The following DQX1 variants were observed in gnomAD, a reference collection of about 807,000 sequenced individuals.
DQX1 encodes the protein ATP-dependent RNA helicase homolog DQX1.
A neutral mutation model predicts 81.3 loss-of-function variants in DQX1; 66 were observed. The observed-to-expected ratio is 0.81, with a 90% confidence interval of 0.67 to 1.00. DQX1 has a LOEUF of 1.00. DQX1 is among the 50% of genes least tolerant of loss of function. The probability of loss-of-function intolerance (pLI) is 0.00; values close to 1 mark genes in which losing one functional copy is unlikely to be tolerated. For missense variants in DQX1, 798 were observed against 867.9 expected (o/e 0.92, Z 1.01); for synonymous variants, 290 against 350.0 (o/e 0.83, Z 1.91).
Position 74,523,199 on chromosome 2 carries a change from C to T in DQX1, c.1064G>A (p.Arg355Gln), listed in dbSNP as rs200302410. ...TGGCCTCAACACTTGGAATTCTGCT[C>T]GGATCCTAGGATTGTAAACCTGTTG... ...ELRSVYNPRI[R>Q]AEFQVLRPIS... Residue 355 changes from arginine to glutamine, a missense_variant, in exon 6 of 12, where the codon CGA becomes CAA. Transcript: ENST00000404568. The T allele has an allele frequency of 1.1e-5, 17 of 1,614,162 alleles. No individual in the cohort carries two copies. Among genetic ancestry groups the T allele is most frequent in the Middle Eastern group, 1.6e-4 (1 of 6,062 alleles).
Position 74,523,160 on chromosome 2 carries a change from T to C in DQX1, c.1103A>G (p.Gln368Arg). ...FQVLRPISKC[Q>R]AEARRLRARG... is the part of the protein sequence containing the mutation. ...TGCTCGCAATCGTCTTGCCTCTGCC[T>C]GACACTTGCTGATTGGCCTCAACAC... Residue 368 changes from glutamine to arginine, a missense_variant, in exon 6 of 12, where the codon CAG (glutamine) becomes CGG (arginine). Gln to Arg is a conservative substitution (Grantham distance 43). Coordinates refer to ENST00000404568, the MANE Select transcript of DQX1 (RefSeq NM_133637.3). The C allele has an allele frequency of 2.5e-6, 4 of 1,614,182 alleles. No individual in the cohort carries two copies. The South Asian group carries it at 4.4e-5, about 18-fold the overall frequency.
At chr2:74,523,609 CTG>C (rs1349803735) in intron 4 of DQX1, 72 bp from the exon 5 acceptor site, 20 of 1,426,594 alleles carry the variant, frequency 1.4e-5, no homozygotes, top group Non-Finnish European at 1.5e-5. Context: ...CTTTGAAAGA[CTG>C]TTGAAAGTTA....
Position 74,518,455 on chromosome 2 carries a change from GACACAGGGAT to G in DQX1, c.2135_2144del (p.Asp712AlafsTer52). On this transcript the variant is annotated frameshift_variant, in exon 12 of 12. Transcript: ENST00000404568. LOFTEE classifies it high-confidence loss of function. ...TCCATAGGCAGGCAGGTCACTGCAG[GACACAGGGAT>G]CTCTGAACTCCTGGGCTGAGGATGA... 1 of 1,614,188 alleles carries G rather than the reference GACACAGGGAT, an allele frequency of 6.2e-7. No individual in the cohort carries two copies. The highest frequency in any genetic ancestry group is 8.5e-7 in the Non-Finnish European group (1 of 1,180,036).
At chr2:74,519,875 T>C (rs1372382290) in intron 9 of DQX1, 40 bp downstream of exon 9, 1 of 1,602,768 alleles carries the variant, frequency 6.2e-7, no homozygotes, top group South Asian at 1.1e-5. Context: ...TTTCCCCTCT[T>C]TGGAAAATCT....
At chr2:74,524,949 G>T in intron 3 of DQX1, 60 bp downstream of exon 3, 1 of 1,541,494 alleles carries the variant, frequency 6.5e-7, no homozygotes, top group Non-Finnish European at 8.8e-7. Flanking sequence ...CCAGAGGAAT[G>T]GGTTTGTTTC....
In DQX1 at chr2:74,518,236, G is replaced by C; in HGVS notation, c.*210C>G. 1.9e-6 allele frequency: 1 copy of C among 526,880 alleles called. No individual in the cohort carries two copies. The highest frequency in any genetic ancestry group is 3.3e-6 in the Non-Finnish European group (1 of 306,424). The allele number at this position is 526,880 out of a possible 1,614,324, so 32.6% of individuals were successfully genotyped here. Reference sequence around the variant, plus strand: ...GTCAGTCCCTCTCCAATCAATAAGAGAAGGCTAAGGAAAGAGTCCTTCCCT... The same window carrying C: ...GTCAGTCCCTCTCCAATCAATAAGACAAGGCTAAGGAAAGAGTCCTTCCCT... On this transcript the variant is annotated 3_prime_UTR_variant, in exon 12 of 12. Coordinates refer to ENST00000404568, the MANE Select transcript of DQX1 (RefSeq NM_133637.3).
chr2:74,522,564 C>T lies in DQX1; in HGVS notation c.1495+16G>A. On this transcript the variant is annotated intron_variant, in intron 8 of 11. Transcript: ENST00000404568. Reference sequence around the variant, plus strand: ...AGTGGTTTCAAGAGCTATGGATTTACAGCAGCGATTTATACCTGTGAGCAT... The same window carrying T: ...AGTGGTTTCAAGAGCTATGGATTTATAGCAGCGATTTATACCTGTGAGCAT... 6.2e-7 allele frequency: 1 copy of T among 1,605,414 alleles called. No homozygotes were observed. Among genetic ancestry groups the T allele is most frequent in the Non-Finnish European group, 8.5e-7 (1 of 1,174,872 alleles).
chr2:74,525,179 A>C lies in DQX1; in HGVS notation c.261T>G (p.Phe87Leu), dbSNP rs1192990802. 2 of 1,596,076 alleles carry C rather than the reference A, an allele frequency of 1.3e-6. No individual in the cohort carries two copies. Among genetic ancestry groups the C allele is most frequent in the African/African-American group, 1.3e-5 (1 of 74,574 alleles). The change falls in exon 3 of 12, where the codon TTT (phenylalanine) becomes TTG (leucine). Residue 87 changes from phenylalanine (F) to leucine (L), a missense_variant. Transcript: ENST00000404568. The surrounding 1 kb of genome is among the most constrained non-coding windows in gnomAD (Gnocchi z 4.1). Reference protein sequence around the residue: ...STQIPQWCAEFALARGFQKGQ... With the variant: ...STQIPQWCAELALARGFQKGQ... ...CTTTCTGGAACCCTCTGGCCAGCGC[A>C]AACTCTGCACACCACTGAGGGATCT...
At chr2:74,523,592 C>T in intron 4 of DQX1, 55 bp from the exon 5 acceptor site, 3 of 1,525,830 alleles carry the variant, frequency 2.0e-6, no homozygotes, top group Non-Finnish European at 2.7e-6. Context: ...TTTGGGGTCA[C>T]AGATCCCTTT....
Position 74,523,542 on chromosome 2 carries a change from G to A in DQX1, c.817-5C>T, listed in dbSNP as rs1307981245. On this transcript the variant is annotated splice_polypyrimidine_tract_variant and splice_region_variant and intron_variant, in intron 4 of 11. Transcript: ENST00000404568. ...TTCACAGCACAGGGAAATTTCCTGA[G>A]AAGAAGGGTGGGTGGGGCATTAGGG... is the stretch of plus-strand genomic sequence containing the variant. The A allele has an allele frequency of 6.2e-7, 1 of 1,606,898 alleles. No individual in the cohort carries two copies.
chr2:74,524,028 C>T lies in DQX1; in HGVS notation c.711G>A (p.Trp237Ter), dbSNP rs1675109345. 1 of 1,614,006 alleles carries T rather than the reference C, an allele frequency of 6.2e-7. No individual in the cohort carries two copies. The highest frequency in any genetic ancestry group is 8.5e-7 in the Non-Finnish European group (1 of 1,180,038). The change falls in exon 4 of 12, where the codon TGG becomes TGA. Residue 237 changes from tryptophan (W) to a stop codon, truncating the protein, a stop_gained. Transcript: ENST00000404568. LOFTEE classifies it high-confidence loss of function. ...CCACCCGATCAGGTGGGATGGTGTC[C>T]CAGTAGATGGGGGAAGGTCTCTCAC... ...EPGERPSPIYWDTIPPDRVEA... is the reference protein window; with the variant it reads ...EPGERPSPIY
At chr2:74,520,165 G>C in intron 8 of DQX1, 131 bp from the exon 9 acceptor site, 2 of 1,191,124 alleles carry the variant, frequency 1.7e-6, no homozygotes, top group Non-Finnish European at 2.3e-6. Context: ...ATAACTTCTA[G>C]GTGCTATGCA....
In DQX1 at chr2:74,525,336, A is replaced by G; in HGVS notation, c.238-134T>C. 1 of 1,245,858 alleles carries G rather than the reference A, an allele frequency of 8.0e-7. No individual in the cohort carries two copies. The highest frequency in any genetic ancestry group is 1.1e-6 in the Non-Finnish European group (1 of 911,576). 77.2% of individuals were successfully genotyped at this position (1,245,858 alleles called of 1,614,324 possible). A position where few individuals can be genotyped will look rare whatever the true frequency, so the allele number is the denominator to read the frequency against. ...TGGTCTTTCACCAGCCTCCAGGGCC[A>G]ACCTAACCCATCCCATCTCTCTTCG... On this transcript the variant is annotated intron_variant, in intron 2 of 11. Transcript: ENST00000404568. The surrounding 1 kb of genome is among the most constrained non-coding windows in gnomAD (Gnocchi z 4.1).
chr2:74,521,847 C>T (rs564820493), intron 8 of DQX1, among the ~76,000 whole-genome samples: 2 of 150,926 alleles, frequency 1.3e-5, no homozygotes, highest in African/African-American at 4.9e-5. Flanking sequence ...CTCTCAGATT[C>T]GAAGAATGGT....
At position 74,524,045 on chromosome 2, in the gene DQX1, G is replaced by T. The variant is rs755062474; in HGVS notation, c.694C>A (p.Pro232Thr). 6.2e-7 allele frequency: 1 copy of T among 1,614,200 alleles called. No individual in the cohort carries two copies. The highest frequency in any genetic ancestry group is 2.2e-5 in the East Asian group (1 of 44,890). Residue 232 changes from proline (P) to threonine (T), a missense_variant, in exon 4 of 12, where the codon CCT becomes ACT. Coordinates refer to ENST00000404568, the MANE Select transcript of DQX1 (RefSeq NM_133637.3). Reference sequence around the variant, plus strand: ...ATGGTGTCCCAGTAGATGGGGGAAGGTCTCTCACCAGGCTCTCTGGGTATA... The same window carrying T: ...ATGGTGTCCCAGTAGATGGGGGAAGTTCTCTCACCAGGCTCTCTGGGTATA... ...VHIPREPGER[P>T]SPIYWDTIPP...
chr2:74,524,949 G>A (rs899331017), intron 3 of DQX1, 60 bp downstream of exon 3: 6 of 1,541,498 alleles, frequency 3.9e-6, no homozygotes, highest in Non-Finnish European at 5.3e-6. Context: ...CCAGAGGAAT[G>A]GGTTTGTTTC....
At position 74,519,118 on chromosome 2, in the gene DQX1, G is replaced by T; in HGVS notation, c.1919C>A (p.Pro640Gln). The T allele has an allele frequency of 6.2e-7, 1 of 1,612,186 alleles. No individual in the cohort carries two copies. The highest frequency in any genetic ancestry group is 8.5e-7 in the Non-Finnish European group (1 of 1,179,298). The change falls in exon 11 of 12, where the codon CCA becomes CAA. Residue 640 changes from proline (P) to glutamine (Q), a missense_variant. Physicochemically the swap from Pro to Gln is moderately conservative, Grantham distance 76. Coordinates refer to ENST00000404568, the MANE Select transcript of DQX1 (RefSeq NM_133637.3). ...YRSRRAPARP[P>Q]PWVLYHNFTI... ...GAAATTGTGGTAGAGCACCCATGGTGGGGGTCTGGCAGGAGCTCTGCGGCT... is the reference window on the plus strand; with the variant it reads ...GAAATTGTGGTAGAGCACCCATGGTTGGGGTCTGGCAGGAGCTCTGCGGCT...
At chr2:74,524,955 G>A in intron 3 of DQX1, 54 bp downstream of exon 3, 1 of 1,557,370 alleles carries the variant, frequency 6.4e-7, no homozygotes, top group Non-Finnish European at 8.7e-7. Flanking sequence ...GAATGGGTTT[G>A]TTTCTACTGA....
At position 74,522,758 on chromosome 2, in the gene DQX1, C is replaced by G. The variant is rs1377498182; in HGVS notation, c.1317G>C (p.Leu439=). Reference sequence around the variant, plus strand: ...AGTCTAAATCTTCCAGGGCTTGCATCAGTGCTTCTGGAGCTGGTGAGGAAA... The same window carrying G: ...AGTCTAAATCTTCCAGGGCTTGCATGAGTGCTTCTGGAGCTGGTGAGGAAA... ...HFLDQPAPEA[L]MQALEDLDYL... is the part of the protein sequence containing the mutation. The change falls in exon 8 of 12, where the codon CTG becomes CTC. Residue 439 remains leucine (L), a synonymous_variant. Transcript: ENST00000404568. The G allele has an allele frequency of 1.9e-6, 3 of 1,614,104 alleles. No homozygotes were observed.
Sources: allele counts gnomAD v4.1 joint callset (sites outside exome capture counted in the v4.1 genomes callset), GRCh38; gene constraint gnomAD v4.1.1; non-coding constraint Gnocchi (gnomAD v3.1); transcripts MANE v1.5; gene names NCBI Gene and HGNC (gene_info 2026-07-23, HGNC 2026-07-21).